Variants in PARD3 observed in about 807,000 individuals in gnomAD.
The protein encoded by PARD3 is partitioning defective 3 homolog.
A neutral mutation model predicts 155.4 loss-of-function variants in PARD3; 75 were observed. The ratio of observed to expected loss-of-function variants is 0.48; its 90% CI spans 0.40 to 0.58. The LOEUF is 0.58. Among genes scored for constraint, PARD3 ranks in the 20% least tolerant of loss-of-function variants. The pLI, the probability that PARD3 is intolerant of heterozygous loss-of-function variation, is 0.00. For missense variants in PARD3, 1,642 were observed against 1,721.7 expected (o/e 0.95, Z 0.82); for synonymous variants, 576 against 610.5 (o/e 0.94, Z 0.83).
intron 22 of PARD3, among the ~76,000 whole-genome samples, chr10:34,241,555 T>C (rs1000022486): frequency 6.6e-6 from 1 of 152,090 alleles, no homozygotes; most frequent in Admixed American, 6.6e-5. Flanking sequence ...AGCACTGTAG[T>C]AGGCAAAAGA....
intron 2 of PARD3, among the ~76,000 whole-genome samples, chr10:34,629,382 G>A (rs571557788): frequency 1.3e-5 from 2 of 152,316 alleles, no homozygotes; most frequent in South Asian, 4.1e-4. Flanking sequence ...CGCTCTGCAT[G>A]TACAAAAGTA....
intron 22 of PARD3, among the ~76,000 whole-genome samples, chr10:34,156,547 A>T (rs941055682): frequency 1.6e-4 from 24 of 152,254 alleles, no homozygotes; most frequent in African/African-American, 5.3e-4. Flanking sequence ...AATGGTCAAT[A>T]GGAGGTAAGA....
chr10:34,686,320 G>C (rs2093953425), intron 2 of PARD3, among the ~76,000 whole-genome samples: 1 of 151,850 alleles, frequency 6.6e-6, no homozygotes, highest in Non-Finnish European at 1.5e-5. Context: ...ACATACTCAA[G>C]TTGCTTTTAA....
intron 2 of PARD3, among the ~76,000 whole-genome samples, chr10:34,647,314 C>G (rs901252712): frequency 6.6e-6 from 1 of 152,138 alleles, no homozygotes; most frequent in Non-Finnish European, 1.5e-5. Context: ...AAGAGCACAC[C>G]GCACACAGTA....
chr10:34,709,518 G>T (rs2094419028), intron 1 of PARD3, among the ~76,000 whole-genome samples: 1 of 152,238 alleles, frequency 6.6e-6, no homozygotes, highest in Admixed American at 6.5e-5. Context: ...ACAAAGATTT[G>T]TAAGAAGAGT....
At position 34,615,185 on chromosome 10, in the gene PARD3, G is replaced by A. The variant is rs540035206; in HGVS notation, c.222+81133C>T. Among the ~76,000 whole-genome samples, 4 of 152,056 alleles carry A rather than the reference G, an allele frequency of 2.6e-5. No individual in the cohort carries two copies. In the East Asian group the frequency reaches 5.8e-4, roughly 22 times the overall value. On this transcript the variant is annotated intron_variant, in intron 2 of 24. Transcript: ENST00000374788. ...AGCCTGGGTGGCAGAGTGAGGCTCCGTCTACTAAAAACAAAAACAAACAAA... is the reference window on the plus strand; with the variant it reads ...AGCCTGGGTGGCAGAGTGAGGCTCCATCTACTAAAAACAAAAACAAACAAA...
At chr10:34,762,145 TCACTCCTACA>T (rs1837518804) in intron 1 of PARD3, among the ~76,000 whole-genome samples, 1 of 152,070 alleles carries the variant, frequency 6.6e-6, no homozygotes, top group Non-Finnish European at 1.5e-5. Context: ...GTCACCCAGG[TCACTCCTACA>T]ATAGGTTCAG....
chr10:34,622,874 T>C (rs992114067), intron 2 of PARD3, among the ~76,000 whole-genome samples: 4 of 151,486 alleles, frequency 2.6e-5, no homozygotes, highest in Non-Finnish European at 4.4e-5. Context: ...CATATTAATA[T>C]TATTTCTTAT....
intron 2 of PARD3, among the ~76,000 whole-genome samples, chr10:34,677,096 G>T (rs573351452): frequency 3.1e-4 from 47 of 152,294 alleles, no homozygotes; most frequent in African/African-American, 1.1e-3. Flanking sequence ...GCGGAAGGAA[G>T]TATGTTACAT....
intron 1 of PARD3, among the ~76,000 whole-genome samples, chr10:34,788,696 A>G (rs1198277852): frequency 6.6e-6 from 1 of 152,120 alleles, no homozygotes; most frequent in East Asian, 1.9e-4. Context: ...GGTTCTTTAC[A>G]TATGTATCTC....
At chr10:34,614,471 T>G (rs765293867) in intron 2 of PARD3, among the ~76,000 whole-genome samples, 2 of 152,250 alleles carry the variant, frequency 1.3e-5, no homozygotes, top group Non-Finnish European at 2.9e-5. Flanking sequence ...TGATTATGAA[T>G]GATAAACAGT....
intron 2 of PARD3, among the ~76,000 whole-genome samples, chr10:34,618,552 T>C (rs1417074966): frequency 6.6e-6 from 1 of 151,934 alleles, no homozygotes; most frequent in Non-Finnish European, 1.5e-5. Flanking sequence ...AACATGCCTA[T>C]CAATTCATTT....
intron 5 of PARD3, among the ~76,000 whole-genome samples, chr10:34,445,460 A>C (rs1278824095): frequency 3.3e-5 from 5 of 152,122 alleles, no homozygotes; most frequent in Non-Finnish European, 7.4e-5. Flanking sequence ...AAATTTCAGG[A>C]ATGGAACATC....
chr10:34,300,895 T>A (rs1957115615), intron 20 of PARD3, among the ~76,000 whole-genome samples: 1 of 152,194 alleles, frequency 6.6e-6, no homozygotes, highest in African/African-American at 2.4e-5. Context: ...GGGTAAGAAG[T>A]GATCCTACAG....
chr10:34,496,578 G>A (rs1589780331), intron 3 of PARD3, among the ~76,000 whole-genome samples: 1 of 152,126 alleles, frequency 6.6e-6, no homozygotes, highest in Non-Finnish European at 1.5e-5. Flanking sequence ...AAGAAACACC[G>A]AGGTTATAGA....
chr10:34,776,007 T>C (rs76260777), intron 1 of PARD3, among the ~76,000 whole-genome samples: 294 of 152,272 alleles, frequency 1.9e-3, no homozygotes, highest in African/African-American at 6.4e-3. Context: ...GAAGGATTGA[T>C]TGAGCTCAGG....
chr10:34,331,033 A>C lies in PARD3; in HGVS notation c.2833+84T>G, dbSNP rs1589204854. On this transcript the variant is annotated intron_variant, in intron 19 of 24. Transcript: ENST00000374788. Reference sequence around the variant, plus strand: ...CTCAGAGATTACCCTGAAGAATCTTAGAAAACTCCAGGGCTCCCTGGAGCT... The same window carrying C: ...CTCAGAGATTACCCTGAAGAATCTTCGAAAACTCCAGGGCTCCCTGGAGCT... 4.1e-6 allele frequency: 4 copies of C among 970,840 alleles called. No homozygotes were observed. In the East Asian group the frequency reaches 1.0e-4, roughly 24 times the overall value. 60.1% of individuals were successfully genotyped at this position (970,840 alleles called of 1,614,324 possible). A position where few individuals can be genotyped will look rare whatever the true frequency, so the allele number is the denominator to read the frequency against.
chr10:34,228,407 C>T (rs1564500418), intron 22 of PARD3, among the ~76,000 whole-genome samples: 1 of 151,878 alleles, frequency 6.6e-6, no homozygotes, highest in East Asian at 1.9e-4. Flanking sequence ...AACATAAAAG[C>T]TGGAAGAAAA....
At chr10:34,733,931 A>G (rs112469250) in intron 1 of PARD3, among the ~76,000 whole-genome samples, 16 of 149,318 alleles carry the variant, frequency 1.1e-4, no homozygotes, top group Admixed American at 3.4e-4. Context: ...TGCTTCTGCG[A>G]AAGTAAAATC....
Sources: gnomAD v4.1 joint callset for allele counts (sites outside exome capture counted in the v4.1 genomes callset) on GRCh38, gnomAD v4.1.1 for gene constraint, MANE v1.5 for transcripts, NCBI Gene and HGNC (gene_info 2026-07-23, HGNC 2026-07-21) for gene names.